Variants in PRC1 observed in about 807,000 individuals in gnomAD.
PRC1 encodes protein regulator of cytokinesis 1, also known as anaphase spindle elongation 1 homolog.
In PRC1, 54 loss-of-function variants were observed where a neutral mutation model predicts 91.2. That is an observed-to-expected ratio of 0.59 (90% CI 0.48 to 0.74). The LOEUF (loss-of-function observed/expected upper bound fraction) is 0.74, where lower values mean the gene tolerates loss of function less well. Among genes scored for constraint, PRC1 ranks in the 30% least tolerant of loss-of-function variants. PRC1 has a pLI of 0.00. For synonymous variants in PRC1, 275 were observed against 263.6 expected (o/e 1.04, Z -0.42); for missense variants, 727 against 746.2 (o/e 0.97, Z 0.30).
At chr15:90,968,836 C>T (rs773858018) in intron 14 of PRC1, 46 of 1,318,942 alleles carry the variant, frequency 3.5e-5, no homozygotes, top group East Asian at 3.2e-4. Flanking sequence ...TTCTGTTAAA[C>T]GTGATTTAAA....
chr15:90,992,747 T>TA (rs1437040432), intron 1 of PRC1, among the ~76,000 whole-genome samples: 1 of 152,016 alleles, frequency 6.6e-6, no homozygotes, highest in East Asian at 1.9e-4. Context: ...CAAGAGTGCA[T>TA]ACAAAGACTA....
intron 1 of PRC1, among the ~76,000 whole-genome samples, chr15:90,992,406 C>CT (rs1163382726): frequency 2.6e-5 from 4 of 152,074 alleles, no homozygotes; most frequent in African/African-American, 7.2e-5. Context: ...TTTTTCTTTT[C>CT]TTTTTTAGTA....
Position 90,967,077 on chromosome 15 carries a change from A to G in PRC1, c.*54T>C. 1.3e-6 allele frequency: 2 copies of G among 1,506,782 alleles called. No homozygotes were observed. The highest frequency in any genetic ancestry group is 1.8e-6 in the Non-Finnish European group (2 of 1,084,586). The allele number at this position is 1,506,782 out of a possible 1,614,324, so 93.3% of individuals were successfully genotyped here. A position where few individuals can be genotyped will look rare whatever the true frequency, so the allele number is the denominator to read the frequency against. On this transcript the variant is annotated 3_prime_UTR_variant, in exon 15 of 15. Transcript: ENST00000394249. ...GAAAAACTAAAGTCACCCCCATATAATTAGGTCCAGTCTAGGCACAGGAAG... is the reference window on the plus strand; with the variant it reads ...GAAAAACTAAAGTCACCCCCATATAGTTAGGTCCAGTCTAGGCACAGGAAG...
chr15:90,978,535 T>C (rs970942009), intron 8 of PRC1, among the ~76,000 whole-genome samples: 3 of 152,064 alleles, frequency 2.0e-5, no homozygotes, highest in Non-Finnish European at 2.9e-5. Flanking sequence ...GCAGATCAGC[T>C]GAAGTCAGGA....
intron 12 of PRC1, 91 bp from the exon 13 acceptor site, chr15:90,969,714 ATCTT>A (rs1356529113): frequency 1.1e-6 from 1 of 907,592 alleles, no homozygotes; most frequent in Non-Finnish European, 1.5e-6. Context: ...GGCTGAGACT[ATCTT>A]TATATTCATG....
chr15:90,966,778 A>T lies in PRC1; in HGVS notation c.*353T>A. 2.3e-6 allele frequency: 1 copy of T among 434,590 alleles called. No individual in the cohort carries two copies. Among genetic ancestry groups the T allele is most frequent in the South Asian group, 1.9e-5 (1 of 52,972 alleles). 26.9% of individuals were successfully genotyped at this position (434,590 alleles called of 1,614,324 possible). On this transcript the variant is annotated 3_prime_UTR_variant, in exon 15 of 15. Coordinates refer to ENST00000394249, the MANE Select transcript of PRC1 (RefSeq NM_003981.4). ...AGGTATACATGCCAAAATTACCCCCAGGGATGGGCATAGTCAATCATTTTC... is the reference window on the plus strand; with the variant it reads ...AGGTATACATGCCAAAATTACCCCCTGGGATGGGCATAGTCAATCATTTTC...
At chr15:90,970,078 A>G (rs1021100963) in intron 12 of PRC1, among the ~76,000 whole-genome samples, 5 of 152,032 alleles carry the variant, frequency 3.3e-5, no homozygotes, top group Non-Finnish European at 7.4e-5. Flanking sequence ...ACTGGGCTAG[A>G]ACCCACATGT....
In PRC1 at chr15:90,966,246, G is replaced by C. The variant is rs2037478661; in HGVS notation, c.*885C>G. The C allele has an allele frequency of 4.6e-6, 1 of 217,492 alleles. No individual in the cohort carries two copies. The highest frequency in any genetic ancestry group is 9.5e-6 in the Non-Finnish European group (1 of 105,078). 13.5% of individuals were successfully genotyped at this position (217,492 alleles called of 1,614,324 possible). On this transcript the variant is annotated 3_prime_UTR_variant, in exon 15 of 15. Transcript: ENST00000394249. ...AAATAATAGTGCTTCAAGAAGAGTA[G>C]TGATTGAGAGGATAGGTAAAGAGGG...
rs1052351654 is a variant in PRC1 at position 90,969,231 on chromosome 15, G to A, written c.1750-111C>T. ...GGGAATGGTATGTATTAAGCAGAAG[G>A]ATCCAGGTTAAATGTCTAGTTGCTG... On this transcript the variant is annotated intron_variant, in intron 13 of 14. Transcript: ENST00000394249. The A allele has an allele frequency of 6.9e-6, 9 of 1,295,622 alleles. No individual in the cohort carries two copies. The African/African-American group carries it at 1.0e-4, about 15-fold the overall frequency. The allele number at this position is 1,295,622 out of a possible 1,614,324, so 80.3% of individuals were successfully genotyped here. A position where few individuals can be genotyped will look rare whatever the true frequency, so the allele number is the denominator to read the frequency against.
In PRC1 at chr15:90,984,768, C is replaced by T. The variant is rs1178107045; in HGVS notation, c.69G>A (p.Arg23=). 2 of 1,614,104 alleles carry T rather than the reference C, an allele frequency of 1.2e-6. No individual in the cohort carries two copies. The highest frequency in any genetic ancestry group is 2.2e-5 in the East Asian group (1 of 44,880). Residue 23 remains arginine, a synonymous_variant, in exon 2 of 15, where the codon CGG becomes CGA. Coordinates refer to ENST00000394249, the MANE Select transcript of PRC1 (RefSeq NM_003981.4). The surrounding 1 kb of genome is among the most constrained non-coding windows in gnomAD (Gnocchi z 5.1). ...GAATCCCAATTAGCTCCCATATTTC[C>T]CGAAGGTGATTTAGGGCTTTCTGCA... ...VCLQKALNHL[R]EIWELIGIPE... is the part of the protein sequence containing the mutation.
At position 90,967,057 on chromosome 15, in the gene PRC1, AC is replaced by A. The variant is rs2037559115; in HGVS notation, c.*73del. 1 of 1,391,676 alleles carries A rather than the reference AC, an allele frequency of 7.2e-7. No individual in the cohort carries two copies. Among genetic ancestry groups the A allele is most frequent in the African/African-American group, 1.4e-5 (1 of 69,690 alleles). The allele number at this position is 1,391,676 out of a possible 1,614,324, so 86.2% of individuals were successfully genotyped here. ...TCAAGCACGCCTAAGCTGAAGAAAAACTAAAGTCACCCCCATATAATTAGGT... is the reference window on the plus strand; with the variant it reads ...TCAAGCACGCCTAAGCTGAAGAAAAATAAAGTCACCCCCATATAATTAGGT... On this transcript the variant is annotated 3_prime_UTR_variant, in exon 15 of 15. Transcript: ENST00000394249.
chr15:90,980,907 A>C lies in PRC1; in HGVS notation c.799T>G (p.Ser267Ala), dbSNP rs2039142036. 2 of 1,613,988 alleles carry C rather than the reference A, an allele frequency of 1.2e-6. No homozygotes were observed. Among genetic ancestry groups the C allele is most frequent in the Non-Finnish European group, 8.5e-7 (1 of 1,180,028 alleles). Residue 267 changes from serine (S) to alanine (A), a missense_variant, in exon 6 of 15, where the codon TCA becomes GCA. Transcript: ENST00000394249. ...ACCGCTTTCCGGACCTTGGCCTTTG[A>C]CCCAGACATAATGGTGGCCACAGCT... is the stretch of plus-strand genomic sequence containing the variant. ...REAVATIMSG[S>A]KAKVRKALQL... is the part of the protein sequence containing the mutation.
chr15:90,980,908 C>T lies in PRC1; in HGVS notation c.798G>A (p.Gly266=), dbSNP rs750686979. Residue 266 remains glycine, a synonymous_variant, in exon 6 of 15, where the codon GGG becomes GGA. Coordinates refer to ENST00000394249, the MANE Select transcript of PRC1 (RefSeq NM_003981.4). Reference sequence around the variant, plus strand: ...CCGCTTTCCGGACCTTGGCCTTTGACCCAGACATAATGGTGGCCACAGCTT... The same window carrying T: ...CCGCTTTCCGGACCTTGGCCTTTGATCCAGACATAATGGTGGCCACAGCTT... The part of the protein sequence containing the change: ...EREAVATIMS[G]SKAKVRKALQ... 1.7e-5 allele frequency: 28 copies of T among 1,614,056 alleles called. No individual in the cohort carries two copies. Among genetic ancestry groups the T allele is most frequent in the Non-Finnish European group, 2.4e-5 (28 of 1,180,036 alleles).
At position 90,984,027 on chromosome 15, in the gene PRC1, C is replaced by T; in HGVS notation, c.258G>A (p.Glu86=). Residue 86 remains glutamate (E), a synonymous_variant, in exon 3 of 15, where the codon GAG becomes GAA. Transcript: ENST00000394249. The surrounding 1 kb of genome is among the most constrained non-coding windows in gnomAD (Gnocchi z 5.1). ...LNTLCSELHV[E]PFQEEGETTI... is the part of the protein sequence containing the mutation. ...GTGGGCTGCCACGGACCTGAAATGG[C>T]TCAACATGTAACTCGCTGCACAGAG... is the stretch of plus-strand genomic sequence containing the variant. The T allele has an allele frequency of 6.2e-7, 1 of 1,614,048 alleles. No individual in the cohort carries two copies. Among genetic ancestry groups the T allele is most frequent in the Non-Finnish European group, 8.5e-7 (1 of 1,179,920 alleles).
chr15:90,992,685 T>TC (rs1282142306), intron 1 of PRC1, among the ~76,000 whole-genome samples: 1 of 148,544 alleles, frequency 6.7e-6, no homozygotes, highest in African/African-American at 2.6e-5. Flanking sequence ...TTTCAGATAA[T>TC]CCCCTAAAAG....
chr15:90,987,716 GC>G (rs1472718366), intron 1 of PRC1: 1 of 152,136 alleles, frequency 6.6e-6, no homozygotes, highest in Non-Finnish European at 1.5e-5. Flanking sequence ...GAAGCCTGCA[GC>G]AAATCACCTA....
intron 1 of PRC1, among the ~76,000 whole-genome samples, chr15:90,991,705 T>A (rs1415442053): frequency 6.6e-6 from 1 of 152,002 alleles, no homozygotes; most frequent in East Asian, 1.9e-4. Flanking sequence ...ACAGGCAGAA[T>A]CTCACTCCTC....
Position 90,969,431 on chromosome 15 carries a change from A to G in PRC1, c.1749+16T>C. ...TGCTCCCCAGAGACTGGTAGATATT[A>G]GAAAAGGTGAATTACCGCAAACTCA... is the stretch of plus-strand genomic sequence containing the variant. On this transcript the variant is annotated intron_variant, in intron 13 of 14. Coordinates refer to ENST00000394249, the MANE Select transcript of PRC1 (RefSeq NM_003981.4). 1.3e-6 allele frequency: 2 copies of G among 1,578,582 alleles called. No homozygotes were observed. Among genetic ancestry groups the G allele is most frequent in the Non-Finnish European group, 1.7e-6 (2 of 1,159,272 alleles).
At chr15:90,981,295 AATT>A (rs1258997160) in intron 5 of PRC1, 1 of 700,184 alleles carries the variant, frequency 1.4e-6, no homozygotes, top group African/African-American at 1.8e-5. Context: ...TTTCATCTAT[AATT>A]TCATTTTCTT....
Sources: gnomAD v4.1 joint callset for allele counts (sites outside exome capture counted in the v4.1 genomes callset) on GRCh38, gnomAD v4.1.1 for gene constraint, Gnocchi (gnomAD v3.1) non-coding constraint, MANE v1.5 for transcripts, NCBI Gene and HGNC (gene_info 2026-07-23, HGNC 2026-07-21) for gene names.